The following TOX2 variants were observed in gnomAD, a reference collection of about 807,000 sequenced individuals.
TOX2 encodes the protein granulosa cell HMG box 1.
Under a neutral mutation model 47.4 loss-of-function variants are expected in TOX2, and 15 were observed. The ratio of observed to expected loss-of-function variants is 0.32; its 90% CI spans 0.21 to 0.49. The LOEUF (loss-of-function observed/expected upper bound fraction) is 0.49, where lower values mean the gene tolerates loss of function less well. Among genes scored for constraint, TOX2 ranks in the 20% least tolerant of loss-of-function variants. TOX2 has a pLI of 0.99. For synonymous variants in TOX2, 290 were observed against 296.6 expected (o/e 0.98, Z 0.23); for missense variants, 622 against 673.1 (o/e 0.92, Z 0.84).
chr20:43,925,054 ATTC>A (rs1252710643), intron 1 of TOX2, among the ~76,000 whole-genome samples: 1 of 152,148 alleles, frequency 6.6e-6, no homozygotes, highest in African/African-American at 2.4e-5. Flanking sequence ...ATCGTGGTCT[ATTC>A]TTCTTTTATG....
rs549716562 is a variant in TOX2, at chr20:43,955,250, C to T, written c.100-18117C>T. ...AATTCTGAAACTGCACGAGTTCTGG[C>T]TGAGAGCTGTGGATCTGTGCATGTG... On this transcript the variant is annotated intron_variant, in intron 1 of 8. Transcript: ENST00000341197. The T allele has an allele frequency of 1.7e-5, 17 of 985,466 alleles. No individual in the cohort carries two copies. In the South Asian group the frequency reaches 6.6e-4, roughly 38 times the overall value. 61.0% of individuals were successfully genotyped at this position (985,466 alleles called of 1,614,324 possible).
At chr20:43,917,028 C>T (rs1161423167) in intron 1 of TOX2, among the ~76,000 whole-genome samples, 1 of 150,664 alleles carries the variant, frequency 6.6e-6, no homozygotes, top group East Asian at 2.0e-4. Flanking sequence ...ACCCCTGGCC[C>T]ATAGCTGAGG....
At chr20:43,978,627 G>T (rs1244508529) in intron 2 of TOX2, among the ~76,000 whole-genome samples, 1 of 152,096 alleles carries the variant, frequency 6.6e-6, no homozygotes, top group African/African-American at 2.4e-5. Flanking sequence ...ATGCCTATTT[G>T]TTCCTTCAGG....
chr20:44,022,185 A>AG (rs1305902021), intron 3 of TOX2, among the ~76,000 whole-genome samples: 1 of 152,074 alleles, frequency 6.6e-6, no homozygotes, highest in Non-Finnish European at 1.5e-5. Flanking sequence ...CCCTGCTGAG[A>AG]GGGGGGTCAG....
intron 5 of TOX2, among the ~76,000 whole-genome samples, chr20:44,063,529 TG>T (rs1288794645): frequency 6.6e-6 from 1 of 152,202 alleles, no homozygotes; most frequent in Non-Finnish European, 1.5e-5. Flanking sequence ...GTACATCCAC[TG>T]TGAAAAACAG....
At chr20:44,006,481 G>A (rs1208022198) in intron 2 of TOX2, 66 bp from the exon 3 acceptor site, 2 of 1,541,806 alleles carry the variant, frequency 1.3e-6, no homozygotes, top group African/African-American at 1.4e-5. Flanking sequence ...TGTTATTGGT[G>A]CTGTTGGGTA....
chr20:43,945,888 A>AT (rs758665399), intron 1 of TOX2: 109 of 1,609,220 alleles, frequency 6.8e-5, no homozygotes, highest in Admixed American at 5.2e-4. Context: ...TATTTCTGGC[A>AT]TTTTTTCCTC....
chr20:43,922,632 G>A (rs1410825741), intron 1 of TOX2, among the ~76,000 whole-genome samples: 1 of 152,214 alleles, frequency 6.6e-6, no homozygotes, highest in Non-Finnish European at 1.5e-5. Flanking sequence ...CTAATGAGTT[G>A]TGGTAAATTG....
intron 1 of TOX2, among the ~76,000 whole-genome samples, chr20:43,963,444 T>C (rs1196708548): frequency 3.9e-5 from 6 of 152,214 alleles, no homozygotes; most frequent in Admixed American, 3.9e-4. Flanking sequence ...GTCCCAGGCC[T>C]ATAGTCATGA....
intron 3 of TOX2, among the ~76,000 whole-genome samples, chr20:44,015,143 A>C (rs1172322449): frequency 6.6e-6 from 1 of 152,042 alleles, no homozygotes; most frequent in African/African-American, 2.4e-5. Context: ...GATCTCCCAA[A>C]TGGGTCTCTG....
At position 43,914,857 on chromosome 20, in the gene TOX2, C is replaced by T. The variant is rs1373913431; in HGVS notation, c.-35C>T. The T allele has an allele frequency of 8.6e-6, 8 of 930,006 alleles. No individual in the cohort carries two copies. Among genetic ancestry groups the T allele is most frequent in the Admixed American group, 6.3e-5 (1 of 15,978 alleles). 57.6% of individuals were successfully genotyped at this position (930,006 alleles called of 1,614,324 possible). On this transcript the variant is annotated 5_prime_UTR_variant, in exon 1 of 9. Coordinates refer to ENST00000341197, the MANE Select transcript of TOX2 (RefSeq NM_001098797.2). The surrounding 1 kb of genome is among the most constrained non-coding windows in gnomAD (Gnocchi z 4.5). ...CACCCGCCGCCCGCCCAGGCACTGC[C>T]CGCGGGAGCCGCCGCCGCCGCCGCC...
At chr20:44,024,696 T>G (rs1386600581) in intron 3 of TOX2, among the ~76,000 whole-genome samples, 6 of 152,196 alleles carry the variant, frequency 3.9e-5, no homozygotes, top group African/African-American at 1.4e-4. Flanking sequence ...TTGTTAAAAC[T>G]GCACCATCCA....
At chr20:43,953,716 G>A (rs995853136) in intron 1 of TOX2, among the ~76,000 whole-genome samples, 2 of 152,142 alleles carry the variant, frequency 1.3e-5, no homozygotes, top group Non-Finnish European at 1.5e-5. Context: ...AATCAGCAGG[G>A]ACCAGGTCAA....
chr20:43,927,348 A>T (rs988234282), intron 1 of TOX2, among the ~76,000 whole-genome samples: 4 of 151,922 alleles, frequency 2.6e-5, no homozygotes, highest in African/African-American at 9.7e-5. Flanking sequence ...CATATTCATC[A>T]TCCTACTTTT....
chr20:44,050,762 A>G (rs1376865775), intron 3 of TOX2, among the ~76,000 whole-genome samples: 1 of 84,448 alleles, frequency 1.2e-5, no homozygotes, highest in Non-Finnish European at 2.6e-5. Flanking sequence ...TGCCAGGTAC[A>G]TTTGATCTTT....
intron 6 of TOX2, among the ~76,000 whole-genome samples, chr20:44,065,241 T>G (rs2071792044): frequency 6.6e-6 from 1 of 152,122 alleles, no homozygotes; most frequent in Non-Finnish European, 1.5e-5. Context: ...ACCGTCGGCC[T>G]CCTCTGTCAA....
intron 1 of TOX2, among the ~76,000 whole-genome samples, chr20:43,948,130 C>G (rs929445123): frequency 2.0e-5 from 3 of 152,198 alleles, no homozygotes; most frequent in African/African-American, 4.8e-5. Context: ...ATAACGTGTT[C>G]TCCTGGGGAG....
intron 3 of TOX2, among the ~76,000 whole-genome samples, chr20:44,035,131 A>G (rs1320255838): frequency 6.6e-6 from 1 of 152,130 alleles, no homozygotes; most frequent in African/African-American, 2.4e-5. Context: ...CCTCTCTGGG[A>G]CCTCTTGTCT....
rs182736663 is a variant in TOX2, at chr20:43,959,083, G to A, written c.100-14284G>A. On this transcript the variant is annotated intron_variant, in intron 1 of 8. Coordinates refer to ENST00000341197, the MANE Select transcript of TOX2 (RefSeq NM_001098797.2). ...GAAGGGTTCAATAGTCAAGAACAGA[G>A]GGGTGGCTCTCTGCCTGGGAAGGCA... 1.3e-4 allele frequency among the ~76,000 whole-genome samples: 20 copies of A among 152,342 alleles called. No individual in the cohort carries two copies. The East Asian group carries it at 3.9e-3, about 29-fold the overall frequency.
Sources: allele counts gnomAD v4.1 joint callset (sites outside exome capture counted in the v4.1 genomes callset), GRCh38; gene constraint gnomAD v4.1.1; non-coding constraint Gnocchi (gnomAD v3.1); transcripts MANE v1.5; gene names NCBI Gene and HGNC (gene_info 2026-07-23, HGNC 2026-07-21).